The following PTPRN2 variants were observed in gnomAD, a reference collection of about 807,000 sequenced individuals.
PTPRN2 encodes protein tyrosine phosphatase receptor type N2, also known as receptor-type tyrosine-protein phosphatase N2.
Under a neutral mutation model 118.8 loss-of-function variants are expected in PTPRN2, and 74 were observed. The ratio of observed to expected loss-of-function variants is 0.62; its 90% CI spans 0.52 to 0.76. The LOEUF is 0.76. Among genes scored for constraint, PTPRN2 ranks in the 30% least tolerant of loss-of-function variants. The pLI is 0.00. For synonymous variants in PTPRN2, 641 were observed against 608.0 expected (o/e 1.05, Z -0.80); for missense variants, 1,481 against 1,394.4 (o/e 1.06, Z -0.99).
chr7:157,880,033 T>G (rs979967466), intron 12 of PTPRN2, among the ~76,000 whole-genome samples: 1 of 152,198 alleles, frequency 6.6e-6, no homozygotes, highest in Non-Finnish European at 1.5e-5. Context: ...TGACAGTCCT[T>G]GAGATAATCC....
At chr7:158,355,536 T>C (rs1464210796) in intron 2 of PTPRN2, among the ~76,000 whole-genome samples, 1 of 152,222 alleles carries the variant, frequency 6.6e-6, no homozygotes, top group Non-Finnish European at 1.5e-5. Flanking sequence ...AGCCCTGCAA[T>C]GGGCTGGCCA....
At chr7:158,508,858 TGCGGAA>T (rs1822973139) in intron 1 of PTPRN2, among the ~76,000 whole-genome samples, 1 of 103,068 alleles carries the variant, frequency 9.7e-6, no homozygotes, top group African/African-American at 4.3e-5. Context: ...TCGGAGCAGG[TGCGGAA>T]GTGGCTCCGC....
chr7:157,814,423 C>G (rs1049691478), intron 12 of PTPRN2, among the ~76,000 whole-genome samples: 5 of 150,804 alleles, frequency 3.3e-5, no homozygotes, highest in Non-Finnish European at 4.4e-5. Context: ...AACTGGCGCT[C>G]GACATGGGGC....
intron 11 of PTPRN2, among the ~76,000 whole-genome samples, chr7:158,017,609 GA>G (rs1394138621): frequency 1.3e-5 from 2 of 152,180 alleles, no homozygotes; most frequent in Non-Finnish European, 2.9e-5. Context: ...TTTCAGCATT[GA>G]TGCTGACGTT....
intron 11 of PTPRN2, among the ~76,000 whole-genome samples, chr7:157,999,309 G>A (rs979617045): frequency 2.6e-5 from 4 of 152,146 alleles, no homozygotes; most frequent in Non-Finnish European, 2.9e-5. Flanking sequence ...CAGCAAAACC[G>A]TTTTCACAAC....
intron 14 of PTPRN2, among the ~76,000 whole-genome samples, chr7:157,652,324 G>A (rs1395399138): frequency 2.0e-5 from 3 of 152,202 alleles, no homozygotes; most frequent in African/African-American, 7.2e-5. Flanking sequence ...CATCTCAGAT[G>A]CTCACCCGGT....
chr7:158,055,839 T>C (rs1378785355), intron 11 of PTPRN2, among the ~76,000 whole-genome samples: 1 of 151,174 alleles, frequency 6.6e-6, no homozygotes, highest in Non-Finnish European at 1.5e-5. Context: ...CTCCGTGACT[T>C]GGTGGTAGTT....
chr7:158,117,875 G>T (rs1256278534), intron 9 of PTPRN2, among the ~76,000 whole-genome samples: 2 of 152,080 alleles, frequency 1.3e-5, no homozygotes, highest in Non-Finnish European at 2.9e-5. Context: ...ATAAACCAAA[G>T]CTGAGAGAGT....
In PTPRN2 at chr7:157,621,421, G is replaced by A. The variant is rs780089062; in HGVS notation, c.2285C>T (p.Ser762Leu). 2 of 1,613,440 alleles carry A rather than the reference G, an allele frequency of 1.2e-6. No homozygotes were observed. Among genetic ancestry groups the A allele is most frequent in the Non-Finnish European group, 1.7e-6 (2 of 1,179,862 alleles). Residue 762 changes from serine to leucine, a missense_variant, in exon 15 of 23, where the codon TCG becomes TTG. Around this residue, in one of 3 missense-constraint regions of PTPRN2, gnomAD observed 362 missense variants for 384.1 expected, o/e 0.94. Transcript: ENST00000389418. Reference sequence around the variant, plus strand: ...GTTCTCCTCCCTCTGGGCCACGAACGAGCTGTTGGGCTCCGCCTGGTAGGC... The same window carrying A: ...GTTCTCCTCCCTCTGGGCCACGAACAAGCTGTTGGGCTCCGCCTGGTAGGC... ...LCAYQAEPNS[S>L]FVAQREENVP... is the part of the protein sequence containing the mutation.
At chr7:158,429,259 G>A (rs1407613173) in intron 2 of PTPRN2, among the ~76,000 whole-genome samples, 1 of 152,162 alleles carries the variant, frequency 6.6e-6, no homozygotes, top group Non-Finnish European at 1.5e-5. Context: ...CACAGCAGGA[G>A]CTCCCCCACA....
At chr7:158,410,028 G>A (rs992143634) in intron 2 of PTPRN2, among the ~76,000 whole-genome samples, 9 of 152,212 alleles carry the variant, frequency 5.9e-5, no homozygotes, top group African/African-American at 1.7e-4. Context: ...GCTCCGAGGC[G>A]TCCCCGCAGA....
At chr7:158,088,039 TC>T (rs201517888) in intron 10 of PTPRN2, among the ~76,000 whole-genome samples, 10 of 92,058 alleles carry the variant, frequency 1.1e-4, no homozygotes, top group African/African-American at 3.5e-4. Context: ...CAAACCTTCT[TC>T]CCCTGATGAA....
intron 12 of PTPRN2, among the ~76,000 whole-genome samples, chr7:157,720,870 G>C (rs1459940849): frequency 1.3e-5 from 2 of 152,238 alleles, no homozygotes; most frequent in Non-Finnish European, 2.9e-5. Context: ...ACTGGCTCTA[G>C]CTCTCCTAAA....
At chr7:157,945,207 C>T (rs1319974735) in intron 11 of PTPRN2, among the ~76,000 whole-genome samples, 2 of 152,178 alleles carry the variant, frequency 1.3e-5, no homozygotes, top group African/African-American at 4.8e-5. Flanking sequence ...CCCCAGGCAC[C>T]TCCTGCCAGA....
intron 12 of PTPRN2, among the ~76,000 whole-genome samples, chr7:157,883,859 C>G (rs749341881): frequency 4.1e-5 from 6 of 144,896 alleles, no homozygotes; most frequent in Non-Finnish European, 7.5e-5. Context: ...ACCCCAAAAA[C>G]GACTGTCAGA....
chr7:158,280,029 G>T (rs369958545), intron 3 of PTPRN2, among the ~76,000 whole-genome samples: 1 of 114,420 alleles, frequency 8.7e-6, no homozygotes, highest in Admixed American at 8.9e-5. Flanking sequence ...ACAGAGCCCC[G>T]CGGCGGCCCC....
At chr7:158,078,083 G>T (rs73171573) in intron 11 of PTPRN2, among the ~76,000 whole-genome samples, 1 of 152,114 alleles carries the variant, frequency 6.6e-6, no homozygotes, top group Non-Finnish European at 1.5e-5. Context: ...AAGAGGAGAC[G>T]CTGAGTAATG....
At chr7:157,757,983 T>C (rs1801897306) in intron 12 of PTPRN2, among the ~76,000 whole-genome samples, 1 of 150,150 alleles carries the variant, frequency 6.7e-6, no homozygotes. Context: ...TGGTGGATCA[T>C]CCACGGGGCA....
intron 3 of PTPRN2, among the ~76,000 whole-genome samples, chr7:158,239,166 G>T (rs774310818): frequency 6.6e-6 from 1 of 152,304 alleles, no homozygotes; most frequent in Admixed American, 6.5e-5. Context: ...CCAGAGGGTC[G>T]ATGTTCCTCT....
Sources: gnomAD v4.1 joint callset for allele counts (sites outside exome capture counted in the v4.1 genomes callset) on GRCh38, gnomAD v4.1.1 for gene constraint, gnomAD v4.1.1 regional missense constraint, MANE v1.5 for transcripts, NCBI Gene and HGNC (gene_info 2026-07-23, HGNC 2026-07-21) for gene names.